Variants in GRM7 observed in about 807,000 individuals in gnomAD.
GRM7 encodes the protein metabotropic glutamate receptor 7.
A neutral mutation model predicts 84.5 loss-of-function variants in GRM7; 35 were observed. The ratio of observed to expected loss-of-function variants is 0.41; its 90% CI spans 0.32 to 0.55. The LOEUF (loss-of-function observed/expected upper bound fraction) is 0.55. GRM7 is among the 20% of genes least tolerant of loss of function. The pLI is 0.19. For missense variants in GRM7, 1,003 were observed against 1,194.6 expected (o/e 0.84, Z 2.36); for synonymous variants, 487 against 455.1 (o/e 1.07, Z -0.89).
chr3:7,013,839 A>G (rs914889050), intron 1 of GRM7, among the ~76,000 whole-genome samples: 2 of 152,186 alleles, frequency 1.3e-5, no homozygotes, highest in Admixed American at 6.5e-5. Context: ...TTTTTAATCT[A>G]TTAATATGTC....
In GRM7 at chr3:6,861,502, C is replaced by T. The variant is rs114869468; in HGVS notation, c.114C>T (p.Tyr38=). 1,980 of 1,577,418 alleles carry T rather than the reference C, an allele frequency of 1.3e-3. 33 individuals carry two copies. The African/African-American group carries it at 0.025, about 20-fold the overall frequency. Residue 38 remains tyrosine, a synonymous_variant, in exon 1 of 10, where the codon TAC becomes TAT. Transcript: ENST00000357716. This position sits in a 1 kb window ranked among gnomAD's most constrained non-coding sequence, Gnocchi z 6.4. ...CGGCGGCGCGCGGCCAGGAGATGTA[C>T]GCCCCGCACTCAATCCGGATCGAGG... The part of the protein sequence containing the change: ...LAAAARGQEM[Y]APHSIRIEGD...
intron 2 of GRM7, among the ~76,000 whole-genome samples, chr3:7,196,870 T>G (rs1408385204): frequency 6.6e-6 from 1 of 152,204 alleles, no homozygotes; most frequent in Non-Finnish European, 1.5e-5. Flanking sequence ...TCACTTTATG[T>G]CAGTACACAT....
At chr3:7,695,067 T>C (rs1034437477) in intron 9 of GRM7, among the ~76,000 whole-genome samples, 1 of 152,158 alleles carries the variant, frequency 6.6e-6, no homozygotes, top group African/African-American at 2.4e-5. Flanking sequence ...TTAAAATGAT[T>C]GATTTTTGAA....
chr3:7,103,570 G>T (rs1331043198), intron 1 of GRM7, among the ~76,000 whole-genome samples: 2 of 151,764 alleles, frequency 1.3e-5, no homozygotes, highest in African/African-American at 4.8e-5. Flanking sequence ...TCTGATTGCT[G>T]TAGGCTTTTA....
intron 4 of GRM7, among the ~76,000 whole-genome samples, chr3:7,319,037 A>C (rs907983611): frequency 1.3e-5 from 2 of 152,112 alleles, no homozygotes; most frequent in Non-Finnish European, 2.9e-5. Flanking sequence ...CTTGCCTTCA[A>C]CAAACTTTAA....
chr3:6,935,555 C>G (rs1427229032), intron 1 of GRM7, among the ~76,000 whole-genome samples: 2 of 151,900 alleles, frequency 1.3e-5, no homozygotes, highest in African/African-American at 2.4e-5. Flanking sequence ...TCTGTGAAAA[C>G]AGATCTGAGC....
chr3:7,215,527 T>C (rs1311490748), intron 2 of GRM7, among the ~76,000 whole-genome samples: 1 of 151,714 alleles, frequency 6.6e-6, no homozygotes, highest in Non-Finnish European at 1.5e-5. Context: ...TAGCCAGGCG[T>C]GGTGGTGGGC....
At chr3:7,713,130 T>TTTGTTTG (rs1559501737) in intron 9 of GRM7, among the ~76,000 whole-genome samples, 5 of 74,264 alleles carry the variant, frequency 6.7e-5, no homozygotes, top group African/African-American at 2.6e-4. Flanking sequence ...TTTTGTTTTT[T>TTTGTTTG]TTTTTTTTTT....
intron 1 of GRM7, among the ~76,000 whole-genome samples, chr3:6,874,425 C>G (rs923639862): frequency 6.6e-6 from 1 of 152,170 alleles, no homozygotes; most frequent in African/African-American, 2.4e-5. Flanking sequence ...ACATCAATAC[C>G]ACCACTACCA....
At chr3:7,093,687 AAAAAAAAAAAAAAAAAAAAAAAAAAAAG>A (rs1698749748) in intron 1 of GRM7, among the ~76,000 whole-genome samples, 1 of 100,064 alleles carries the variant, frequency 1.0e-5, no homozygotes, top group Non-Finnish European at 2.1e-5. Context: ...AAAAAAAAAA[AAAAAAAAAAAAAAAAAAAAAAAAAAAAG>A]GTAGTTAGTG....
At chr3:7,597,301 G>A in intron 8 of GRM7, among the ~76,000 whole-genome samples, 1 of 152,108 alleles carries the variant, frequency 6.6e-6, no homozygotes, top group East Asian at 1.9e-4. Flanking sequence ...TGCAAAGACA[G>A]CACCAAGCCA....
intron 2 of GRM7, among the ~76,000 whole-genome samples, chr3:7,286,099 G>C (rs1699422432): frequency 6.6e-6 from 1 of 152,154 alleles, no homozygotes; most frequent in African/African-American, 2.4e-5. Context: ...GAAGAAACCT[G>C]TACTTTCCCC....
intron 8 of GRM7, among the ~76,000 whole-genome samples, chr3:7,661,662 C>T (rs929285272): frequency 5.3e-5 from 8 of 151,340 alleles, no homozygotes; most frequent in South Asian, 4.2e-4. Flanking sequence ...GGCGTCGTGG[C>T]GGGCGCCTGT....
chr3:7,552,768 C>A (rs1474698104), intron 7 of GRM7, among the ~76,000 whole-genome samples: 4 of 152,156 alleles, frequency 2.6e-5, no homozygotes. Flanking sequence ...GGGCCTAGCC[C>A]AGAAAACCAT....
chr3:6,898,293 G>A (rs1324529302), intron 1 of GRM7, among the ~76,000 whole-genome samples: 2 of 152,020 alleles, frequency 1.3e-5, no homozygotes, highest in African/African-American at 4.8e-5. Flanking sequence ...TTTGAATTGG[G>A]CGTGAAAGGA....
intron 1 of GRM7, among the ~76,000 whole-genome samples, chr3:6,994,331 T>C (rs907624504): frequency 1.3e-5 from 2 of 152,172 alleles, no homozygotes; most frequent in Non-Finnish European, 2.9e-5. Context: ...AGGAATGTGG[T>C]TTTGTTTCTC....
intron 1 of GRM7, among the ~76,000 whole-genome samples, chr3:7,065,818 A>G (rs1179376490): frequency 6.6e-6 from 1 of 151,728 alleles, no homozygotes; most frequent in Non-Finnish European, 1.5e-5. Flanking sequence ...CTACCCATCT[A>G]TGTATCAGCA....
At chr3:7,111,994 A>T (rs1418727586) in intron 1 of GRM7, among the ~76,000 whole-genome samples, 1 of 152,054 alleles carries the variant, frequency 6.6e-6, no homozygotes, top group African/African-American at 2.4e-5. Context: ...GCTGCCCATT[A>T]TTTTGGCAAA....
chr3:7,362,491 C>A (rs751036109), intron 4 of GRM7, among the ~76,000 whole-genome samples: 6 of 151,108 alleles, frequency 4.0e-5, no homozygotes, highest in Non-Finnish European at 7.4e-5. Flanking sequence ...TTAGAAAAAT[C>A]TTTTTTTTTC....
Sources: allele counts gnomAD v4.1 joint callset (sites outside exome capture counted in the v4.1 genomes callset), GRCh38; gene constraint gnomAD v4.1.1; non-coding constraint Gnocchi (gnomAD v3.1); transcripts MANE v1.5; gene names NCBI Gene and HGNC (gene_info 2026-07-23, HGNC 2026-07-21).